MACROD2: variants seen among roughly 807,000 people sequenced by gnomAD.
The protein encoded by MACROD2 is mono-ADP ribosylhydrolase 2, also known as ADP-ribose glycohydrolase MACROD2.
Under a neutral mutation model 70.4 loss-of-function variants are expected in MACROD2, and 36 were observed. That is an observed-to-expected ratio of 0.51 (90% confidence interval 0.39 to 0.68). The LOEUF is 0.68. MACROD2 is among the 30% of genes least tolerant of loss of function. The pLI, the probability that MACROD2 is intolerant of heterozygous loss-of-function variation, is 0.00. For missense variants in MACROD2, 496 were observed against 538.4 expected (o/e 0.92, Z 0.78); for synonymous variants, 172 against 178.8 (o/e 0.96, Z 0.30).
chr20:14,698,457 C>A (rs2071152639), intron 5 of MACROD2, among the ~76,000 whole-genome samples: 1 of 152,158 alleles, frequency 6.6e-6, no homozygotes, highest in African/African-American at 2.4e-5. Flanking sequence ...CAAGTGAACA[C>A]TGAACATGGT....
At chr20:15,936,589 A>T (rs913606633) in intron 11 of MACROD2, among the ~76,000 whole-genome samples, 5 of 150,254 alleles carry the variant, frequency 3.3e-5, no homozygotes, top group African/African-American at 4.9e-5. Flanking sequence ...TCATATATGC[A>T]TGAAAACTGA....
At chr20:14,575,859 G>T (rs1187054485) in intron 4 of MACROD2, among the ~76,000 whole-genome samples, 1 of 152,082 alleles carries the variant, frequency 6.6e-6, no homozygotes, top group East Asian at 1.9e-4. Flanking sequence ...TAAATTTAGT[G>T]CAGTAAGATT....
intron 10 of MACROD2, among the ~76,000 whole-genome samples, chr20:15,930,244 G>A (rs979643661): frequency 2.0e-5 from 3 of 152,154 alleles, no homozygotes; most frequent in Non-Finnish European, 4.4e-5. Context: ...AGACAAGGCT[G>A]ATAAAAAAGA....
chr20:15,479,365 CG>C (rs752775808), intron 7 of MACROD2, among the ~76,000 whole-genome samples: 57 of 149,076 alleles, frequency 3.8e-4, no homozygotes, highest in Non-Finnish European at 6.3e-4. Context: ...CTCCGCCTCC[CG>C]GGTTCACGCC....
At chr20:15,336,474 C>A (rs1003013658) in intron 6 of MACROD2, among the ~76,000 whole-genome samples, 3 of 151,306 alleles carry the variant, frequency 2.0e-5, no homozygotes, top group African/African-American at 7.3e-5. Context: ...TAATTTTGTG[C>A]TATCTCTTTG....
intron 5 of MACROD2, among the ~76,000 whole-genome samples, chr20:15,005,136 G>A (rs77421862): frequency 0.032 from 4,892 of 152,136 alleles, 113 homozygotes; most frequent in Middle Eastern, 0.095. Flanking sequence ...AAATAATATC[G>A]CCACCTTCAA....
At chr20:15,096,764 G>A (rs6079660) in intron 5 of MACROD2, among the ~76,000 whole-genome samples, 54,104 of 149,484 alleles carry the variant, frequency 0.36, 10,367 homozygotes, top group African/African-American at 0.47. Context: ...CGCCTGCCTC[G>A]GCCTCCCAAA....
At chr20:15,762,866 A>G (rs1438370797) in intron 8 of MACROD2, among the ~76,000 whole-genome samples, 1 of 152,196 alleles carries the variant, frequency 6.6e-6, no homozygotes, top group Non-Finnish European at 1.5e-5. Context: ...GGTCTATTTG[A>G]AAGAATATGT....
intron 7 of MACROD2, among the ~76,000 whole-genome samples, chr20:15,435,978 GT>G (rs1175193861): frequency 2.6e-5 from 4 of 152,058 alleles, no homozygotes; most frequent in African/African-American, 9.7e-5. Context: ...TTTCTCCTCT[GT>G]TTTTTGGTAA....
At chr20:14,843,000 A>G (rs746521227) in intron 5 of MACROD2, among the ~76,000 whole-genome samples, 3 of 151,974 alleles carry the variant, frequency 2.0e-5, no homozygotes, top group Non-Finnish European at 2.9e-5. Flanking sequence ...CATTTATACC[A>G]TAAACAAAAA....
intron 5 of MACROD2, among the ~76,000 whole-genome samples, chr20:14,776,229 G>A (rs1228367380): frequency 6.6e-6 from 1 of 151,958 alleles, no homozygotes. Flanking sequence ...TGGGTTTGGG[G>A]TTTCGTAGTC....
At chr20:15,512,159 T>C (rs952978528) in intron 8 of MACROD2, among the ~76,000 whole-genome samples, 2 of 152,230 alleles carry the variant, frequency 1.3e-5, no homozygotes, top group Non-Finnish European at 2.9e-5. Context: ...GTCTAGCTAG[T>C]CCTGGGGTGG....
At chr20:15,043,918 A>C (rs1279144881) in intron 5 of MACROD2, among the ~76,000 whole-genome samples, 3 of 152,228 alleles carry the variant, frequency 2.0e-5, no homozygotes, top group Non-Finnish European at 4.4e-5. Flanking sequence ...CATGGGGCAG[A>C]AAGAGGCATG....
At chr20:14,488,600 C>T (rs1347462962) in intron 3 of MACROD2, among the ~76,000 whole-genome samples, 2 of 152,130 alleles carry the variant, frequency 1.3e-5, no homozygotes, top group South Asian at 4.1e-4. Flanking sequence ...GCAATACACA[C>T]ACAGAGACAC....
chr20:14,831,780 CAAAAAAAAA>C (rs71190151), intron 5 of MACROD2, among the ~76,000 whole-genome samples: 1,886 of 37,180 alleles, frequency 0.051, 43 homozygotes, highest in African/African-American at 0.12. Flanking sequence ...AACTCCGTCT[CAAAAAAAAA>C]AAAAAAAAAA....
At chr20:15,712,624 G>A (rs564587603) in intron 8 of MACROD2, among the ~76,000 whole-genome samples, 7 of 152,288 alleles carry the variant, frequency 4.6e-5, no homozygotes, top group Non-Finnish European at 7.4e-5. Flanking sequence ...ATCCAAGCTT[G>A]GAAGGGCAGC....
At chr20:15,015,945 G>T (rs2075117779) in intron 5 of MACROD2, among the ~76,000 whole-genome samples, 1 of 152,162 alleles carries the variant, frequency 6.6e-6, no homozygotes, top group Non-Finnish European at 1.5e-5. Context: ...CTAAGCATAG[G>T]TTTAGAAAAC....
chr20:15,968,838 T>TATATATAC (rs1417891284), intron 13 of MACROD2, among the ~76,000 whole-genome samples: 18 of 113,812 alleles, frequency 1.6e-4, no homozygotes, highest in African/African-American at 2.3e-4. Flanking sequence ...TATATATATA[T>TATATATAC]ACACACATAT....
intron 2 of MACROD2, among the ~76,000 whole-genome samples, chr20:14,003,115 G>C (rs12481405): frequency 6.6e-5 from 10 of 152,036 alleles, no homozygotes; most frequent in African/African-American, 2.4e-4. Flanking sequence ...TTCTTAAGGT[G>C]CTTAACAGTT....
Sources: gnomAD v4.1 joint callset for allele counts (sites outside exome capture counted in the v4.1 genomes callset) on GRCh38, gnomAD v4.1.1 for gene constraint, MANE v1.5 for transcripts, NCBI Gene and HGNC (gene_info 2026-07-23, HGNC 2026-07-21) for gene names.